The following RTN1 variants were observed in gnomAD, a reference collection of about 807,000 sequenced individuals.
RTN1 encodes reticulon-1.
RTN1 carries 25 observed loss-of-function variants against 65.5 expected under a neutral mutation model. That is an observed-to-expected ratio of 0.38 (90% CI 0.28 to 0.53). The LOEUF is 0.53. RTN1 is among the 20% of genes least tolerant of loss of function. RTN1 has a pLI of 0.79. For missense variants in RTN1, 983 were observed against 1,025.4 expected, an observed-to-expected ratio of 0.96 and a Z score of 0.57; for synonymous variants, 471 against 447.6, an observed-to-expected ratio of 1.05 and a Z score of -0.66.
At chr14:59,789,641 T>C (rs987829296) in intron 1 of RTN1, among the ~76,000 whole-genome samples, 14 of 152,094 alleles carry the variant, frequency 9.2e-5, no homozygotes, top group Non-Finnish European at 4.4e-5. Flanking sequence ...TGGCTGGGTA[T>C]AACAACATGC....
chr14:59,821,537 C>T (rs978969525), intron 1 of RTN1, among the ~76,000 whole-genome samples: 1 of 152,198 alleles, frequency 6.6e-6, no homozygotes, highest in African/African-American at 2.4e-5. Flanking sequence ...CTGGGTAGGA[C>T]TTCCAATAGT....
chr14:59,740,027 C>T (rs966462308), intron 2 of RTN1, among the ~76,000 whole-genome samples: 1 of 152,216 alleles, frequency 6.6e-6, no homozygotes, highest in Non-Finnish European at 1.5e-5. Flanking sequence ...CTGGTGCCCA[C>T]TCATTCTGCA....
chr14:59,769,939 A>C (rs943581159), intron 1 of RTN1, among the ~76,000 whole-genome samples: 5 of 152,236 alleles, frequency 3.3e-5, no homozygotes, highest in African/African-American at 4.8e-5. Context: ...AAAGGAGATA[A>C]GGAACCCTAC....
intron 8 of RTN1, among the ~76,000 whole-genome samples, chr14:59,599,533 G>T (rs1283491310): frequency 2.0e-5 from 3 of 151,880 alleles, no homozygotes; most frequent in Non-Finnish European, 4.4e-5. Context: ...ACATCTTTAG[G>T]GTCTATTATT....
chr14:59,598,400 G>A (rs1595104897), intron 8 of RTN1, among the ~76,000 whole-genome samples: 1 of 152,282 alleles, frequency 6.6e-6, no homozygotes, highest in African/African-American at 2.4e-5. Flanking sequence ...CACGATGTGT[G>A]GCTAAGTGAA....
At chr14:59,641,403 T>A (rs1199670239) in intron 3 of RTN1, among the ~76,000 whole-genome samples, 1 of 152,128 alleles carries the variant, frequency 6.6e-6, no homozygotes, top group Non-Finnish European at 1.5e-5. Flanking sequence ...AGAGTTTCAC[T>A]CTGTCACCCA....
chr14:59,638,413 C>T (rs1882710632), intron 3 of RTN1, among the ~76,000 whole-genome samples: 1 of 152,054 alleles, frequency 6.6e-6, no homozygotes, highest in African/African-American at 2.4e-5. Flanking sequence ...GTTATCCAGG[C>T]TTTGATGTTA....
At chr14:59,815,037 G>C (rs1417172473) in intron 1 of RTN1, among the ~76,000 whole-genome samples, 1 of 152,228 alleles carries the variant, frequency 6.6e-6, no homozygotes, top group Non-Finnish European at 1.5e-5. Flanking sequence ...AAGACTCACA[G>C]TCTTGTGCAT....
chr14:59,762,838 A>G (rs1885776508), intron 1 of RTN1, among the ~76,000 whole-genome samples: 1 of 152,216 alleles, frequency 6.6e-6, no homozygotes. Flanking sequence ...GCAAAGGACA[A>G]TGTTTTTATT....
At chr14:59,792,595 A>G (rs1886368293) in intron 1 of RTN1, among the ~76,000 whole-genome samples, 1 of 152,332 alleles carries the variant, frequency 6.6e-6, no homozygotes, top group Middle Eastern at 3.4e-3. Flanking sequence ...CAATGGCTCA[A>G]TTCTGAAAAA....
intron 3 of RTN1, among the ~76,000 whole-genome samples, chr14:59,670,851 A>T (rs1310359394): frequency 1.3e-5 from 2 of 152,164 alleles, no homozygotes; most frequent in Non-Finnish European, 2.9e-5. Context: ...GTATCCTTGG[A>T]CTCCTTCTAT....
intron 1 of RTN1, among the ~76,000 whole-genome samples, chr14:59,752,972 C>A (rs1885563435): frequency 6.6e-6 from 1 of 152,154 alleles, no homozygotes; most frequent in African/African-American, 2.4e-5. Context: ...AGACAGAAAC[C>A]AGTACTTTGT....
chr14:59,857,590 T>C (rs1887631116), intron 1 of RTN1, among the ~76,000 whole-genome samples: 1 of 152,218 alleles, frequency 6.6e-6, no homozygotes, highest in Non-Finnish European at 1.5e-5. Context: ...GCCTCTCATC[T>C]TTCTTCCCAT....
At chr14:59,728,171 A>C (rs1169250462) in intron 2 of RTN1, among the ~76,000 whole-genome samples, 1 of 151,770 alleles carries the variant, frequency 6.6e-6, no homozygotes, top group East Asian at 1.9e-4. Context: ...CCTCTCCTTT[A>C]GCAAGACAAA....
At chr14:59,819,628 G>C (rs983211700) in intron 1 of RTN1, among the ~76,000 whole-genome samples, 1 of 152,072 alleles carries the variant, frequency 6.6e-6, no homozygotes, top group Non-Finnish European at 1.5e-5. Context: ...CGGTCGATGG[G>C]ACCGGGCGCT....
In RTN1 at chr14:59,603,901, G is replaced by A. The variant is rs1410075343; in HGVS notation, c.2133C>T (p.Leu711=). The A allele has an allele frequency of 1.9e-6, 3 of 1,611,976 alleles. No individual in the cohort carries two copies. The East Asian group carries it at 6.7e-5, about 36-fold the overall frequency. ...DSLKFAVLMW[L]LTYVGALFNG... The stretch of plus-strand genomic sequence containing the variant: ...TGAAGAGAGCGCCAACGTAGGTCAG[G>A]AGCCACATCAGGACTGCAAACTGAA... Residue 711 remains leucine (L), a synonymous_variant, in exon 6 of 9, where the codon CTC becomes CTT. Transcript: ENST00000267484.
chr14:59,611,685 A>G (rs1881954502), intron 3 of RTN1, among the ~76,000 whole-genome samples: 1 of 152,124 alleles, frequency 6.6e-6, no homozygotes, highest in African/African-American at 2.4e-5. Flanking sequence ...CTTTCTAACT[A>G]GTATGAAGAG....
chr14:59,750,441 AATATATCTATAATAT>A (rs1430039544), intron 1 of RTN1, among the ~76,000 whole-genome samples: 1 of 52,034 alleles, frequency 1.9e-5, no homozygotes, highest in Non-Finnish European at 3.4e-5. Context: ...TATAATATAT[AATATATCTATAATAT>A]ATATATCTAT....
At chr14:59,676,824 T>C (rs1883637616) in intron 3 of RTN1, among the ~76,000 whole-genome samples, 1 of 152,216 alleles carries the variant, frequency 6.6e-6, no homozygotes, top group African/African-American at 2.4e-5. Context: ...AGTAAACCAC[T>C]ACTTCTTAAA....
Sources: gnomAD v4.1 joint callset for allele counts (sites outside exome capture counted in the v4.1 genomes callset) on GRCh38, gnomAD v4.1.1 for gene constraint, MANE v1.5 for transcripts, NCBI Gene and HGNC (gene_info 2026-07-23, HGNC 2026-07-21) for gene names.